PRR20G: variants seen among roughly 807,000 people sequenced by gnomAD.
PRR20G encodes the protein proline rich 20G, also known as proline-rich protein 20G.
At chr3:127,285,867 A>C (rs1056206029) in intron 2 of PRR20G, among the ~76,000 whole-genome samples, 1 of 152,218 alleles carries the variant, frequency 6.6e-6, no homozygotes, top group African/African-American at 2.4e-5. Flanking sequence ...CTTTCCAAAA[A>C]CATCTATAAT....
chr3:127,285,841 T>C (rs1233445513), intron 2 of PRR20G, among the ~76,000 whole-genome samples: 2 of 152,188 alleles, frequency 1.3e-5, no homozygotes, highest in Non-Finnish European at 2.9e-5. Context: ...GGAAACAGTT[T>C]ATGCCACAGA....
At chr3:127,287,515 A>G (rs1472596711) in intron 1 of PRR20G, among the ~76,000 whole-genome samples, 143 bp from the exon 2 acceptor site, 1 of 152,136 alleles carries the variant, frequency 6.6e-6, no homozygotes, top group African/African-American at 2.4e-5. Context: ...GAGCATTTGC[A>G]CTGAGCCCGC....
At chr3:127,287,657 A>G (rs2080393862) in intron 1 of PRR20G, among the ~76,000 whole-genome samples, 1 of 152,176 alleles carries the variant, frequency 6.6e-6, no homozygotes, top group Non-Finnish European at 1.5e-5. Context: ...AACTTATCCC[A>G]GTTTCTTCAG....
At position 127,287,926 on chromosome 3, in the gene PRR20G, GCTGGAGGTGT is replaced by G. The variant is rs1251136525; in HGVS notation, c.-65_-56del. Among the ~76,000 whole-genome samples the G allele has an allele frequency of 6.7e-6, 1 of 149,388 alleles. No individual in the cohort carries two copies. Among genetic ancestry groups the G allele is most frequent in the East Asian group, 2.1e-4 (1 of 4,720 alleles). Reference sequence around the variant, plus strand: ...TCTTCTATGGGGAGAGGCCTGAGGAGCTGGAGGTGTCCACGGGATCACGGCTATGGCTCCG... The same window carrying G: ...TCTTCTATGGGGAGAGGCCTGAGGAGCCACGGGATCACGGCTATGGCTCCG... On this transcript the variant is annotated 5_prime_UTR_variant, in exon 1 of 3. Transcript: ENST00000465482.
chr3:127,286,584 A>G (rs951704755), intron 2 of PRR20G, among the ~76,000 whole-genome samples: 13 of 152,248 alleles, frequency 8.5e-5, no homozygotes, highest in African/African-American at 2.9e-4. Context: ...AGATCGAGAC[A>G]TAGTGTAAGG....
chr3:127,287,462 A>C (rs957517949), intron 1 of PRR20G, among the ~76,000 whole-genome samples, 90 bp from the exon 2 acceptor site: 1 of 151,960 alleles, frequency 6.6e-6, no homozygotes, highest in Non-Finnish European at 1.5e-5. Flanking sequence ...TGCGGACCCC[A>C]CCTCACCCCC....
chr3:127,288,031 C>T lies in PRR20G; in HGVS notation c.-160G>A, dbSNP rs947584095. Among the ~76,000 whole-genome samples, 1 of 152,090 alleles carries T rather than the reference C, an allele frequency of 6.6e-6. No individual in the cohort carries two copies. Among genetic ancestry groups the T allele is most frequent in the Non-Finnish European group, 1.5e-5 (1 of 68,022 alleles). On this transcript the variant is annotated 5_prime_UTR_variant, in exon 1 of 3. Transcript: ENST00000465482. Reference sequence around the variant, plus strand: ...CACCCAGCAGTCCTAGTTCGGAGCCCGGCAGAAAGCTGACTGCTCGCGGTT... The same window carrying T: ...CACCCAGCAGTCCTAGTTCGGAGCCTGGCAGAAAGCTGACTGCTCGCGGTT...
chr3:127,287,543 A>T (rs2080393499), intron 1 of PRR20G, among the ~76,000 whole-genome samples, 171 bp from the exon 2 acceptor site: 1 of 152,108 alleles, frequency 6.6e-6, no homozygotes, highest in Non-Finnish European at 1.5e-5. Flanking sequence ...AGCCAGGGGG[A>T]TCCTGTGAAG....
intron 2 of PRR20G, among the ~76,000 whole-genome samples, chr3:127,286,517 A>G (rs1045528876): frequency 1.3e-5 from 2 of 152,256 alleles, no homozygotes; most frequent in Non-Finnish European, 2.9e-5. Flanking sequence ...GGCAATGGCC[A>G]TCAAATTCCA....
Position 127,283,889 on chromosome 3 carries a change from A to T in PRR20G, c.*171T>A. On this transcript the variant is annotated 3_prime_UTR_variant, in exon 3 of 3. Coordinates refer to ENST00000465482, the MANE Select transcript of PRR20G (RefSeq NM_001362810.2). ...CAAGAGGGGAATTGGAAGCAGATGG[A>T]CTACTGTCAGGATCCTGGGAGGAGG... Among the ~76,000 whole-genome samples the T allele has an allele frequency of 6.6e-6, 1 of 151,980 alleles. No homozygotes were observed. The highest frequency in any genetic ancestry group is 1.9e-4 in the East Asian group (1 of 5,152).
Position 127,287,866 on chromosome 3 carries a change from C to G in PRR20G, c.-8+13G>C, listed in dbSNP as rs530845838. On this transcript the variant is annotated intron_variant, in intron 1 of 2. Coordinates refer to ENST00000465482, the MANE Select transcript of PRR20G (RefSeq NM_001362810.2). The stretch of plus-strand genomic sequence containing the variant: ...AAACTCTACCCACCCCTCAGGGACA[C>G]CCAGACACACACCTGATCTCCCTGC... 6.6e-6 allele frequency among the ~76,000 whole-genome samples: 1 copy of G among 152,304 alleles called. No homozygotes were observed. Among genetic ancestry groups the G allele is most frequent in the Admixed American group, 6.5e-5 (1 of 15,310 alleles).
At chr3:127,286,933 C>T (rs529818401) in intron 2 of PRR20G, among the ~76,000 whole-genome samples, 12 of 152,212 alleles carry the variant, frequency 7.9e-5, no homozygotes, top group Admixed American at 2.6e-4. Flanking sequence ...TAGTGTCCTA[C>T]TGGCTCCTGG....
chr3:127,287,176 G>A (rs951147504), intron 2 of PRR20G, among the ~76,000 whole-genome samples, 138 bp downstream of exon 2: 1 of 152,218 alleles, frequency 6.6e-6, no homozygotes, highest in Non-Finnish European at 1.5e-5. Context: ...TCCCAAAGGT[G>A]TGGGAGATTG....
rs568541004 is a variant in PRR20G at position 127,283,886 on chromosome 3, T to C, written c.*174A>G. ...AGGCAAGAGGGGAATTGGAAGCAGA[T>C]GGACTACTGTCAGGATCCTGGGAGG... On this transcript the variant is annotated 3_prime_UTR_variant, in exon 3 of 3. Transcript: ENST00000465482. Among the ~76,000 whole-genome samples, 1 of 152,260 alleles carries C rather than the reference T, an allele frequency of 6.6e-6. No homozygotes were observed. The highest frequency in any genetic ancestry group is 1.9e-4 in the East Asian group (1 of 5,174).
At chr3:127,287,515 A>C (rs1472596711) in intron 1 of PRR20G, among the ~76,000 whole-genome samples, 143 bp from the exon 2 acceptor site, 1 of 152,136 alleles carries the variant, frequency 6.6e-6, no homozygotes, top group East Asian at 1.9e-4. Flanking sequence ...GAGCATTTGC[A>C]CTGAGCCCGC....
In PRR20G at chr3:127,287,963, C is replaced by T. The variant is rs547154745; in HGVS notation, c.-92G>A. Among the ~76,000 whole-genome samples the T allele has an allele frequency of 1.3e-5, 2 of 152,198 alleles. No homozygotes were observed. Among genetic ancestry groups the T allele is most frequent in the East Asian group, 1.9e-4 (1 of 5,142 alleles). ...CACGGGATCACGGCTATGGCTCCGA[C>T]GTCGCCCTCAAATGCGCCCCCTACC... On this transcript the variant is annotated 5_prime_UTR_variant, in exon 1 of 3. Transcript: ENST00000465482.
chr3:127,287,969 C>A lies in PRR20G; in HGVS notation c.-98G>T, dbSNP rs933039917. On this transcript the variant is annotated 5_prime_UTR_variant, in exon 1 of 3. Transcript: ENST00000465482. ...ATCACGGCTATGGCTCCGACGTCGC[C>A]CTCAAATGCGCCCCCTACCAGGCAG... Among the ~76,000 whole-genome samples, 6 of 152,058 alleles carry A rather than the reference C, an allele frequency of 3.9e-5. No homozygotes were observed. Among genetic ancestry groups the A allele is most frequent in the Admixed American group, 6.5e-5 (1 of 15,270 alleles).
At chr3:127,285,244 T>C (rs1559760526) in intron 2 of PRR20G, among the ~76,000 whole-genome samples, 1 of 152,118 alleles carries the variant, frequency 6.6e-6, no homozygotes, top group African/African-American at 2.4e-5. Context: ...TTAACATGTA[T>C]TGGGAAGGAG....
intron 2 of PRR20G, among the ~76,000 whole-genome samples, chr3:127,286,060 C>A (rs1263972051): frequency 6.6e-6 from 1 of 151,730 alleles, no homozygotes; most frequent in Non-Finnish European, 1.5e-5. Context: ...GAGCAAAAAC[C>A]CACAATGATG....
Sources: allele counts gnomAD v4.1 joint callset (sites outside exome capture counted in the v4.1 genomes callset), GRCh38; gene constraint gnomAD v4.1.1; transcripts MANE v1.5; gene names NCBI Gene and HGNC (gene_info 2026-07-23, HGNC 2026-07-21).